Variants in TTLL5 observed in about 807,000 individuals in gnomAD.
TTLL5 encodes tubulin polyglutamylase TTLL5.
A neutral mutation model predicts 168.4 loss-of-function variants in TTLL5; 132 were observed. The observed-to-expected ratio is 0.78, with a 90% confidence interval of 0.68 to 0.91. TTLL5 has a LOEUF of 0.91. TTLL5 is among the 40% of genes least tolerant of loss of function. The pLI, the probability that TTLL5 is intolerant of heterozygous loss-of-function variation, is 0.00. For synonymous variants in TTLL5, 546 were observed against 558.6 expected (o/e 0.98, Z 0.32); for missense variants, 1,545 against 1,581.5 (o/e 0.98, Z 0.39).
At chr14:75,827,635 A>C in intron 28 of TTLL5, among the ~76,000 whole-genome samples, 1 of 149,156 alleles carries the variant, frequency 6.7e-6, no homozygotes, top group African/African-American at 2.5e-5. Flanking sequence ...CATGGTTTTC[A>C]TGAATTATCA....
At chr14:75,870,940 G>T (rs930987622) in intron 29 of TTLL5, among the ~76,000 whole-genome samples, 3 of 151,812 alleles carry the variant, frequency 2.0e-5, no homozygotes, top group Non-Finnish European at 4.4e-5. Context: ...GACTACAGGC[G>T]CCCGCCACCA....
intron 31 of TTLL5, among the ~76,000 whole-genome samples, chr14:75,937,198 C>T (rs2034460104): frequency 6.6e-6 from 1 of 151,768 alleles, no homozygotes; most frequent in Non-Finnish European, 1.5e-5. Context: ...CTCACTGCAA[C>T]TGCCAACTCC....
intron 28 of TTLL5, among the ~76,000 whole-genome samples, chr14:75,848,407 A>G (rs1453407278): frequency 1.3e-5 from 2 of 152,062 alleles, no homozygotes; most frequent in East Asian, 3.8e-4. Context: ...GCCTTTGCAG[A>G]GTGTGAAAGC....
At chr14:75,761,080 G>C (rs1366939484) in intron 18 of TTLL5, among the ~76,000 whole-genome samples, 2 of 152,026 alleles carry the variant, frequency 1.3e-5, no homozygotes, top group African/African-American at 4.8e-5. Flanking sequence ...TAAAATATTT[G>C]AACAGACACT....
intron 6 of TTLL5, among the ~76,000 whole-genome samples, chr14:75,692,987 C>T (rs1470041184): frequency 6.6e-6 from 1 of 151,822 alleles, no homozygotes; most frequent in Non-Finnish European, 1.5e-5. Flanking sequence ...GCAGCAGCAC[C>T]GCAGAGAATC....
intron 20 of TTLL5, among the ~76,000 whole-genome samples, chr14:75,770,492 TG>T (rs1891240089): frequency 6.6e-6 from 1 of 152,196 alleles, no homozygotes; most frequent in Admixed American, 6.5e-5. Context: ...TTGTGGGGAT[TG>T]TAAACAAAGT....
chr14:75,832,098 C>T (rs1895600916), intron 28 of TTLL5, among the ~76,000 whole-genome samples: 1 of 152,058 alleles, frequency 6.6e-6, no homozygotes, highest in Non-Finnish European at 1.5e-5. Context: ...ACAGATGACA[C>T]ACACCCCCAC....
chr14:75,938,856 A>G (rs1490176796), intron 31 of TTLL5, among the ~76,000 whole-genome samples: 2 of 152,182 alleles, frequency 1.3e-5, no homozygotes, highest in Non-Finnish European at 2.9e-5. Flanking sequence ...TCCTGGAAAC[A>G]ATATACACTG....
intron 12 of TTLL5, among the ~76,000 whole-genome samples, chr14:75,723,381 G>A (rs919980102): frequency 4.6e-5 from 7 of 152,146 alleles, no homozygotes; most frequent in African/African-American, 1.7e-4. Context: ...GTTTGGTAAT[G>A]GCCTAGAACT....
chr14:75,911,452 C>T (rs1373891789), intron 31 of TTLL5, among the ~76,000 whole-genome samples: 3 of 152,114 alleles, frequency 2.0e-5, no homozygotes, highest in Non-Finnish European at 2.9e-5. Flanking sequence ...AGAAAACCAA[C>T]CTGATTTTAA....
rs770265120 is a variant in TTLL5 at position 75,882,841 on chromosome 14, C to T, written c.3679C>T (p.Pro1227Ser). Reference sequence around the variant, plus strand: ...TCCAAGTTCTTGCGCCTCCCTGGTTCCCAAACCCCCACCCAACCACGAACA... The same window carrying T: ...TCCAAGTTCTTGCGCCTCCCTGGTTTCCAAACCCCCACCCAACCACGAACA... Reference protein sequence around the residue: ...PPPSSCASLVPKPPPNHEQVL... With the variant: ...PPPSSCASLVSKPPPNHEQVL... The change falls in exon 30 of 32, where the codon CCC becomes TCC. Residue 1227 changes from proline (P) to serine (S), a missense_variant. Coordinates refer to ENST00000298832, the MANE Select transcript of TTLL5 (RefSeq NM_015072.5). The T allele has an allele frequency of 1.2e-6, 2 of 1,614,156 alleles. No individual in the cohort carries two copies. The highest frequency in any genetic ancestry group is 3.3e-5 in the Admixed American group (2 of 60,014).
At chr14:75,852,991 TATCA>T (rs1454238845) in intron 28 of TTLL5, among the ~76,000 whole-genome samples, 1 of 152,242 alleles carries the variant, frequency 6.6e-6, no homozygotes, top group Non-Finnish European at 1.5e-5. Flanking sequence ...TGAGAGTAGT[TATCA>T]ATCATTCATT....
chr14:75,816,451 TAGTG>T (rs1461689930), intron 27 of TTLL5, among the ~76,000 whole-genome samples: 1 of 152,152 alleles, frequency 6.6e-6, no homozygotes, highest in Non-Finnish European at 1.5e-5. Context: ...TCATTGCACA[TAGTG>T]AGTGTTCCAT....
chr14:75,930,464 A>C, intron 31 of TTLL5: 1 of 491,634 alleles, frequency 2.0e-6, no homozygotes, highest in Admixed American at 6.4e-5. Context: ...GGGATGTTCA[A>C]CCAGTAAGTA....
intron 31 of TTLL5, among the ~76,000 whole-genome samples, chr14:75,939,322 A>G (rs1438989740): frequency 6.6e-6 from 1 of 152,222 alleles, no homozygotes; most frequent in Non-Finnish European, 1.5e-5. Context: ...ACTTTTTACT[A>G]TGCATTGCAA....
intron 27 of TTLL5, 63 bp downstream of exon 27, chr14:75,793,163 A>G: frequency 7.0e-7 from 1 of 1,420,252 alleles, no homozygotes. Flanking sequence ...ATGACAGGGT[A>G]CTTTGTCTTT....
chr14:75,672,267 G>A (rs925911423), intron 3 of TTLL5, among the ~76,000 whole-genome samples: 3 of 151,696 alleles, frequency 2.0e-5, no homozygotes, highest in South Asian at 2.1e-4. Flanking sequence ...ATTTTTTTGC[G>A]ACGGAGTCTC....
rs377275116 is a variant in TTLL5 at position 75,835,016 on chromosome 14, C to T, written c.3326+14855C>T. On this transcript the variant is annotated intron_variant, in intron 28 of 31. Transcript: ENST00000298832. ...CCAGGAGGTTGAGGCTGCAGTGAAT[C>T]ATGATTGTGTCACTTAACTCCAACC... is the stretch of plus-strand genomic sequence containing the variant. 1.4e-4 allele frequency among the ~76,000 whole-genome samples: 22 copies of T among 152,272 alleles called. 1 individual carries two copies. The highest frequency in any genetic ancestry group is 5.3e-4 in the African/African-American group (22 of 41,562).
intron 31 of TTLL5, among the ~76,000 whole-genome samples, chr14:75,921,827 A>G (rs921215955): frequency 6.6e-6 from 1 of 152,122 alleles, no homozygotes; most frequent in Non-Finnish European, 1.5e-5. Context: ...CAATATGGCC[A>G]TTTTCACTAT....
Sources: gnomAD v4.1 joint callset for allele counts (sites outside exome capture counted in the v4.1 genomes callset) on GRCh38, gnomAD v4.1.1 for gene constraint, MANE v1.5 for transcripts, NCBI Gene and HGNC (gene_info 2026-07-23, HGNC 2026-07-21) for gene names.